PDE4D: variants seen among roughly 807,000 people sequenced by gnomAD.
PDE4D encodes the protein 3',5'-cyclic-AMP phosphodiesterase 4D.
A neutral mutation model predicts 87.4 loss-of-function variants in PDE4D; 24 were observed. The ratio of observed to expected loss-of-function variants is 0.27; its 90% CI spans 0.20 to 0.39. The LOEUF is 0.39. PDE4D is among the 10% of genes least tolerant of loss of function. The pLI is 1.00. For missense variants in PDE4D, 714 were observed against 1,041.0 expected, an observed-to-expected ratio of 0.69 and a Z score of 4.32; for synonymous variants, 384 against 383.2, an observed-to-expected ratio of 1.00 and a Z score of -0.02.
chr5:60,417,063 C>T (rs1221930887), intron 1 of PDE4D, among the ~76,000 whole-genome samples: 1 of 152,132 alleles, frequency 6.6e-6, no homozygotes, highest in East Asian at 1.9e-4. Flanking sequence ...TTTGTACTGC[C>T]AGAACAGCCA....
chr5:59,681,168 C>T (rs1008735945), intron 1 of PDE4D, among the ~76,000 whole-genome samples: 7 of 151,740 alleles, frequency 4.6e-5, no homozygotes, highest in Non-Finnish European at 8.8e-5. Context: ...TATCTAAAAC[C>T]AAAAAGTAAA....
chr5:60,460,475 C>T (rs1327846664), intron 1 of PDE4D: 16 of 1,529,474 alleles, frequency 1.0e-5, no homozygotes, highest in Middle Eastern at 2.3e-4. Context: ...GGGATTTTGG[C>T]GATCAATTCT....
At chr5:59,081,989 CT>C (rs1766857230) in intron 5 of PDE4D, among the ~76,000 whole-genome samples, 1 of 152,124 alleles carries the variant, frequency 6.6e-6, no homozygotes, top group Admixed American at 6.6e-5. Flanking sequence ...GGAATTTTCC[CT>C]GCTGGTGCTT....
At chr5:59,961,083 A>C (rs1049718748) in intron 3 of PDE4D, among the ~76,000 whole-genome samples, 1 of 152,108 alleles carries the variant, frequency 6.6e-6, no homozygotes, top group African/African-American at 2.4e-5. Flanking sequence ...GAAAAATTGT[A>C]ACTTCTGTAG....
chr5:60,255,257 G>A (rs1421707222), intron 1 of PDE4D, among the ~76,000 whole-genome samples: 1 of 151,826 alleles, frequency 6.6e-6, no homozygotes, highest in African/African-American at 2.4e-5. Flanking sequence ...ATCACTATGT[G>A]GGAGACTACC....
intron 1 of PDE4D, chr5:59,430,311 A>C: frequency 5.7e-6 from 7 of 1,231,330 alleles, no homozygotes; most frequent in Non-Finnish European, 7.1e-6. Flanking sequence ...TCTGTGGCTT[A>C]ATATCAATTG....
At chr5:60,088,580 A>T (rs1266681364) in intron 2 of PDE4D, among the ~76,000 whole-genome samples, 2 of 151,992 alleles carry the variant, frequency 1.3e-5, no homozygotes, top group Admixed American at 1.3e-4. Context: ...AAGTTAAACT[A>T]TTATCAGTTT....
intron 5 of PDE4D, 59 bp from the exon 6 acceptor site, chr5:59,039,030 G>A (rs1320180572): frequency 6.5e-7 from 1 of 1,534,868 alleles, no homozygotes. Context: ...GTCCGCTAGC[G>A]AGTTCAAAGG....
Position 60,516,246 on chromosome 5 carries a change from T to A in PDE4D, n.70+5805A>T, listed in dbSNP as rs192575398. 3.8e-3 allele frequency among the ~76,000 whole-genome samples: 582 copies of A among 152,370 alleles called. 2 individuals are homozygous for A. Among genetic ancestry groups the A allele is most frequent in the African/African-American group, 0.014 (566 of 41,588 alleles). On this transcript the variant is annotated intron_variant and non_coding_transcript_variant, in intron 1 of 2. Transcript: ENST00000506510. ...ATGAGAACAACAATGTAATGAAGGT[T>A]ACCAGGGCTCAGTGTCTTTGAAAGA...
intron 1 of PDE4D, among the ~76,000 whole-genome samples, chr5:59,233,601 G>T (rs1287954631): frequency 6.6e-6 from 1 of 152,102 alleles, no homozygotes; most frequent in Non-Finnish European, 1.5e-5. Context: ...TGCCTTTCTA[G>T]AGCCAAATGT....
At chr5:59,310,340 T>C (rs1217274334) in intron 1 of PDE4D, among the ~76,000 whole-genome samples, 2 of 152,206 alleles carry the variant, frequency 1.3e-5, no homozygotes, top group Non-Finnish European at 2.9e-5. Flanking sequence ...ATTCTGCATA[T>C]CATGCAACTT....
chr5:60,113,971 G>T (rs1562111776), intron 2 of PDE4D, among the ~76,000 whole-genome samples: 1 of 152,120 alleles, frequency 6.6e-6, no homozygotes, highest in Non-Finnish European at 1.5e-5. Flanking sequence ...CTGCAACATG[G>T]TGGCAATATT....
At chr5:59,243,448 CT>C (rs767287011) in intron 1 of PDE4D, among the ~76,000 whole-genome samples, 1,435 of 72,214 alleles carry the variant, frequency 0.02, 3 homozygotes, top group African/African-American at 0.071. Flanking sequence ...TTAAAATAAC[CT>C]TTTTTTTTTT....
chr5:59,013,716 A>T (rs1483519803), intron 6 of PDE4D, among the ~76,000 whole-genome samples: 1 of 152,242 alleles, frequency 6.6e-6, no homozygotes, highest in East Asian at 1.9e-4. Flanking sequence ...TACCAGAGGT[A>T]CAAAGAGGAG....
intron 5 of PDE4D, among the ~76,000 whole-genome samples, chr5:59,068,672 A>C (rs1764294979): frequency 6.6e-6 from 1 of 152,224 alleles, no homozygotes; most frequent in Non-Finnish European, 1.5e-5. Context: ...ATGTAAGCAC[A>C]TGTAAAGCAA....
chr5:59,356,357 T>C (rs894504256), intron 1 of PDE4D, among the ~76,000 whole-genome samples: 4 of 152,206 alleles, frequency 2.6e-5, no homozygotes. Context: ...TTAGTTTCCA[T>C]TTTTTCATGT....
At chr5:59,494,593 C>T (rs1055144801) in intron 1 of PDE4D, among the ~76,000 whole-genome samples, 23 of 152,146 alleles carry the variant, frequency 1.5e-4, no homozygotes, top group African/African-American at 5.3e-4. Context: ...TATGCCCAAA[C>T]TTTTGCAAAA....
At chr5:59,043,992 T>G (rs1360556333) in intron 5 of PDE4D, among the ~76,000 whole-genome samples, 1 of 152,194 alleles carries the variant, frequency 6.6e-6, no homozygotes, top group Non-Finnish European at 1.5e-5. Flanking sequence ...TCTTTGCTAT[T>G]GTGAATAGTG....
At position 59,804,711 on chromosome 5, in the gene PDE4D, G is replaced by C. The variant is rs556320102; in HGVS notation, c.455+88457C>G. ...ACTTCATTTCATAAAACTTAAAAAC[G>C]AGGAAATCCCCCTTGTTTTTGGTAT... On this transcript the variant is annotated intron_variant, in intron 1 of 14. Transcript: ENST00000340635. 2.6e-5 allele frequency among the ~76,000 whole-genome samples: 4 copies of C among 152,170 alleles called. No homozygotes were observed. The East Asian group carries it at 7.7e-4, about 29-fold the overall frequency.
Sources: allele counts gnomAD v4.1 joint callset (sites outside exome capture counted in the v4.1 genomes callset), GRCh38; gene constraint gnomAD v4.1.1; transcripts MANE v1.5; gene names NCBI Gene and HGNC (gene_info 2026-07-23, HGNC 2026-07-21).